The following PSD3 variants were observed in gnomAD, a reference collection of about 807,000 sequenced individuals.
The protein encoded by PSD3 is pleckstrin and Sec7 domain containing 3, also known as PH and SEC7 domain-containing protein 3.
A neutral mutation model predicts 105.5 loss-of-function variants in PSD3; 49 were observed. The observed-to-expected ratio is 0.46, with a 90% CI of 0.37 to 0.59. The LOEUF is 0.59. Ranked by LOEUF, PSD3 falls within the 20% of genes least tolerant of loss-of-function variation. The probability of loss-of-function intolerance (pLI) is 0.00; values close to 1 mark genes in which losing one functional copy is unlikely to be tolerated. For synonymous variants in PSD3, 557 were observed against 457.8 expected (o/e 1.22, Z -2.77); for missense variants, 1,561 against 1,263.8 (o/e 1.24, Z -3.57).
intron 4 of PSD3, among the ~76,000 whole-genome samples, chr8:18,863,924 G>A (rs995270425): frequency 6.6e-6 from 1 of 152,094 alleles, no homozygotes; most frequent in East Asian, 1.9e-4. Flanking sequence ...AAGGAACTAA[G>A]TGCTACAACA....
intron 8 of PSD3, among the ~76,000 whole-genome samples, chr8:18,782,386 G>T (rs900033080): frequency 1.3e-5 from 2 of 152,014 alleles, no homozygotes; most frequent in Admixed American, 1.3e-4. Flanking sequence ...TTTTGGCTTT[G>T]ATTCTGGGTG....
At chr8:18,553,871 AAGG>A (rs1800920038) in intron 15 of PSD3, among the ~76,000 whole-genome samples, 1 of 152,196 alleles carries the variant, frequency 6.6e-6, no homozygotes, top group South Asian at 2.1e-4. Context: ...GACACAGGTG[AAGG>A]AGCTTGACAG....
At chr8:18,956,343 C>G (rs1202098938) in intron 1 of PSD3, among the ~76,000 whole-genome samples, 1 of 152,150 alleles carries the variant, frequency 6.6e-6, no homozygotes, top group Non-Finnish European at 1.5e-5. Flanking sequence ...TCCAGCAGGT[C>G]TGGGGTGGGG....
At chr8:18,586,525 C>A (rs927992112) in intron 12 of PSD3, among the ~76,000 whole-genome samples, 1 of 152,040 alleles carries the variant, frequency 6.6e-6, no homozygotes, top group African/African-American at 2.4e-5. Flanking sequence ...AGACCCTAAA[C>A]AGATTGTTAT....
At chr8:18,628,709 T>A (rs1012093904) in intron 11 of PSD3, among the ~76,000 whole-genome samples, 1 of 151,956 alleles carries the variant, frequency 6.6e-6, no homozygotes, top group South Asian at 2.1e-4. Context: ...TAACTTGCTA[T>A]AAGGGTCTCA....
intron 9 of PSD3, among the ~76,000 whole-genome samples, chr8:18,685,830 C>G (rs1242791920): frequency 6.6e-6 from 1 of 152,084 alleles, no homozygotes; most frequent in Admixed American, 6.6e-5. Flanking sequence ...CAGTAAGAAA[C>G]TAATACCATA....
intron 2 of PSD3, chr8:18,887,076 G>A (rs527312172): frequency 6.6e-6 from 1 of 152,372 alleles, no homozygotes; most frequent in East Asian, 1.9e-4. Flanking sequence ...GGAGAGGATT[G>A]TACCATCCTG....
In PSD3 at chr8:18,674,675, G is replaced by A. The variant is rs1048336002; in HGVS notation, c.2173-18990C>T. 5.9e-5 allele frequency among the ~76,000 whole-genome samples: 9 copies of A among 152,064 alleles called. 1 individual carries two copies. The highest frequency in any genetic ancestry group is 2.6e-4 in the Admixed American group (4 of 15,264). ...CAACCATAGTAAGAGTATTCCAAAT[G>A]GCCTTTTTATTTTACCTGTTTTTAA... On this transcript the variant is annotated intron_variant, in intron 9 of 15. Coordinates refer to ENST00000327040, the MANE Select transcript of PSD3 (RefSeq NM_015310.4).
chr8:18,877,887 C>G (rs987279909), intron 2 of PSD3, among the ~76,000 whole-genome samples: 2 of 152,186 alleles, frequency 1.3e-5, no homozygotes, highest in Non-Finnish European at 2.9e-5. Context: ...ACTATTGTAG[C>G]TTTGCAGTAA....
At position 19,013,545 on chromosome 8, in the gene PSD3, C is replaced by A. The variant is rs145989046; in HGVS notation, c.21+18G>T. ...CCGCGTGCGCACCCCGCGCCCGCGC[C>A]CCGGCCCCGGAGCTCACCGCTGCGC... is the stretch of plus-strand genomic sequence containing the variant. On this transcript the variant is annotated intron_variant, in intron 1 of 15. Coordinates refer to ENST00000327040, the MANE Select transcript of PSD3 (RefSeq NM_015310.4). 2,893 of 1,571,560 alleles carry A rather than the reference C, an allele frequency of 1.8e-3. 47 individuals carry two copies. In the African/African-American group the frequency reaches 0.035, roughly 19 times the overall value.
chr8:18,875,991 C>T (rs1056023637), intron 2 of PSD3, among the ~76,000 whole-genome samples: 16 of 152,168 alleles, frequency 1.1e-4, no homozygotes, highest in Admixed American at 1.0e-3. Flanking sequence ...TGCAATCATA[C>T]AATATATGGC....
intron 4 of PSD3, among the ~76,000 whole-genome samples, chr8:18,806,236 G>C (rs1489973232): frequency 6.6e-6 from 1 of 152,144 alleles, no homozygotes; most frequent in Non-Finnish European, 1.5e-5. Context: ...GTTCTACTAA[G>C]ACCTCCACTA....
chr8:18,758,855 A>T (rs1453495883), intron 9 of PSD3, among the ~76,000 whole-genome samples: 2 of 152,150 alleles, frequency 1.3e-5, no homozygotes, highest in Non-Finnish European at 2.9e-5. Flanking sequence ...TATCCTACAT[A>T]TTCTTGGAAC....
chr8:18,677,901 T>A (rs1321278406), intron 9 of PSD3, among the ~76,000 whole-genome samples: 4 of 151,540 alleles, frequency 2.6e-5, no homozygotes, highest in African/African-American at 9.7e-5. Context: ...TCCCAGCTAC[T>A]CGGGAGGCTG....
chr8:18,742,125 C>T (rs1197037163), intron 9 of PSD3, among the ~76,000 whole-genome samples: 1 of 152,134 alleles, frequency 6.6e-6, no homozygotes, highest in East Asian at 1.9e-4. Flanking sequence ...AAAGGAATCA[C>T]AAGTCCAAGA....
At chr8:19,036,874 AG>A (rs1827959227) in intron 1 of PSD3, among the ~76,000 whole-genome samples, 1 of 152,186 alleles carries the variant, frequency 6.6e-6, no homozygotes, top group African/African-American at 2.4e-5. Context: ...AAGAGGCCAA[AG>A]ATGTGAAGAA....
chr8:18,694,611 GAA>G (rs61475829), intron 9 of PSD3, among the ~76,000 whole-genome samples: 8,520 of 140,904 alleles, frequency 0.06, 779 homozygotes, highest in African/African-American at 0.2. Flanking sequence ...CTGCATCTCC[GAA>G]AAAAAAAAAA....
At chr8:18,938,377 T>C (rs528085861) in intron 1 of PSD3, among the ~76,000 whole-genome samples, 1 of 151,164 alleles carries the variant, frequency 6.6e-6, no homozygotes, top group East Asian at 2.0e-4. Flanking sequence ...ATCTTAGCAC[T>C]CTGGGAGGCT....
At chr8:18,823,667 C>T (rs1812928686) in intron 4 of PSD3, among the ~76,000 whole-genome samples, 1 of 152,116 alleles carries the variant, frequency 6.6e-6, no homozygotes. Flanking sequence ...AAAATACTTG[C>T]AGATGTAACT....
Sources: allele counts gnomAD v4.1 joint callset (sites outside exome capture counted in the v4.1 genomes callset), GRCh38; gene constraint gnomAD v4.1.1; transcripts MANE v1.5; gene names NCBI Gene and HGNC (gene_info 2026-07-23, HGNC 2026-07-21).